IFT140: variants seen among roughly 807,000 people sequenced by gnomAD.
IFT140 encodes intraflagellar transport 140.
Under a neutral mutation model 164.6 loss-of-function variants are expected in IFT140, and 133 were observed. That is an observed-to-expected ratio of 0.81 (90% CI 0.70 to 0.93). The LOEUF (loss-of-function observed/expected upper bound fraction) is 0.93, where lower values mean the gene tolerates loss of function less well. Among genes scored for constraint, IFT140 ranks in the 40% least tolerant of loss-of-function variants. IFT140 has a pLI of 0.00. For missense variants in IFT140, 2,045 were observed against 1,972.3 expected (o/e 1.04, Z -0.70); for synonymous variants, 860 against 817.3 (o/e 1.05, Z -0.89).
chr16:1,598,133 A>T lies in IFT140; in HGVS notation c.369+4237T>A, dbSNP rs558543974. Among the ~76,000 whole-genome samples the T allele has an allele frequency of 5.7e-4, 86 of 149,754 alleles. 3 individuals are homozygous for T. The highest frequency in any genetic ancestry group is 1.8e-4 in the Non-Finnish European group (12 of 67,276). On this transcript the variant is annotated intron_variant, in intron 4 of 30. Transcript: ENST00000426508. The stretch of plus-strand genomic sequence containing the variant: ...ATCCAGAAGAAGGGAACAACCTGAT[A>T]AAAAAAAAACTTGGCGAATAATATG...
At chr16:1,584,458 T>G (rs1319030402) in intron 10 of IFT140, 38 bp from the exon 11 acceptor site, 1 of 1,525,418 alleles carries the variant, frequency 6.6e-7, no homozygotes. Context: ...ACCAGATGTG[T>G]GAACAGAGCA....
intron 19 of IFT140, among the ~76,000 whole-genome samples, chr16:1,545,111 C>A (rs1170601399): frequency 6.6e-6 from 1 of 152,212 alleles, no homozygotes; most frequent in Non-Finnish European, 1.5e-5. Flanking sequence ...CACATGGGGG[C>A]GAGCACCCTG....
chr16:1,551,721 G>A lies in IFT140; in HGVS notation c.2399+6214C>T, dbSNP rs539708092. On this transcript the variant is annotated intron_variant, in intron 19 of 30. Transcript: ENST00000426508. This position sits in a 1 kb window ranked among gnomAD's most constrained non-coding sequence, Gnocchi z 4.0. Reference sequence around the variant, plus strand: ...ATCAGCGGCACTTCAGTCTTCTACGGGGTTTTGTTGGGAGCTACCTATACA... The same window carrying A: ...ATCAGCGGCACTTCAGTCTTCTACGAGGTTTTGTTGGGAGCTACCTATACA... 8.1e-4 allele frequency among the ~76,000 whole-genome samples: 124 copies of A among 152,344 alleles called. No individual in the cohort carries two copies. The highest frequency in any genetic ancestry group is 2.5e-3 in the African/African-American group (105 of 41,572).
intron 18 of IFT140, among the ~76,000 whole-genome samples, chr16:1,561,398 G>A (rs1025033397): frequency 2.6e-5 from 4 of 152,224 alleles, no homozygotes; most frequent in African/African-American, 9.6e-5. Flanking sequence ...TACTGATGAC[G>A]ATCCCATTCT....
chr16:1,511,141 A>C lies in IFT140; in HGVS notation c.4192T>G (p.Phe1398Val). The C allele has an allele frequency of 6.2e-7, 1 of 1,606,506 alleles. No homozygotes were observed. The highest frequency in any genetic ancestry group is 8.5e-7 in the Non-Finnish European group (1 of 1,177,336). The change falls in exon 31 of 31, where the codon TTC (phenylalanine) becomes GTC (valine). Residue 1398 changes from phenylalanine to valine, a missense_variant. By Grantham distance (50) the Phe-to-Val change is conservative. Transcript: ENST00000426508. ...RKEEYQTAYR[F>V]LEEMRRRLPL... ...AGCCGCCGCCGCATCTCCTCCAGGA[A>C]TCTGTAGGCCTGGGGCAGAGGAGCA... is the stretch of plus-strand genomic sequence containing the variant.
At chr16:1,574,441 C>T (rs1459965516) in intron 13 of IFT140, among the ~76,000 whole-genome samples, 1 of 151,946 alleles carries the variant, frequency 6.6e-6, no homozygotes, top group Admixed American at 6.6e-5. Context: ...CCATGCCTGG[C>T]TAATATTTTT....
intron 10 of IFT140, among the ~76,000 whole-genome samples, chr16:1,585,050 C>T (rs745815066): frequency 6.6e-6 from 1 of 152,178 alleles, no homozygotes; most frequent in Non-Finnish European, 1.5e-5. Context: ...ACGACAGTGT[C>T]TCATCAGGTA....
chr16:1,607,381 G>A, intron 2 of IFT140, 84 bp from the exon 3 acceptor site: 2 of 1,205,128 alleles, frequency 1.7e-6, no homozygotes, highest in East Asian at 4.8e-5. Flanking sequence ...CGAAAAGGAA[G>A]CATCCCAAAG....
chr16:1,547,681 A>G (rs1325914442), intron 19 of IFT140, among the ~76,000 whole-genome samples: 2 of 152,140 alleles, frequency 1.3e-5, no homozygotes, highest in Non-Finnish European at 2.9e-5. Context: ...GACTACAGGC[A>G]TGAGCCACCA....
intron 7 of IFT140, 105 bp downstream of exon 7, chr16:1,589,500 C>CT (rs1474907624): frequency 1.7e-6 from 2 of 1,193,122 alleles, no homozygotes; most frequent in Non-Finnish European, 2.4e-6. Flanking sequence ...AGTTGATAGG[C>CT]TTTTTTTCAG....
chr16:1,602,417 C>T lies in IFT140; in HGVS notation c.322G>A (p.Val108Met), dbSNP rs146128830. 14,968 of 1,614,188 alleles carry T rather than the reference C, an allele frequency of 9.3e-3. 85 individuals carry two copies. Among genetic ancestry groups the T allele is most frequent in the Non-Finnish European group, 0.011 (12,696 of 1,180,028 alleles). Residue 108 changes from valine to methionine, a missense_variant, in exon 4 of 31, where the codon GTG (valine) becomes ATG (methionine). Physicochemically the swap from Val to Met is conservative, Grantham distance 21 (BLOSUM62 1). Transcript: ENST00000426508. Reference protein sequence around the residue: ...MPLTHTADITVLRWSPSGNCL... With the variant: ...MPLTHTADITMLRWSPSGNCL... ...TTTCCACTGGGGCTCCAACGGAGCA[C>T]GGTGATGTCGGCTGTGTGTGTCAGG...
Position 1,530,133 on chromosome 16 carries a change from C to CTTTTTTTTTTTTTTTTT in IFT140, c.2400-3354_2400-3338dup, listed in dbSNP as rs922819138. ...TCCCAAAAGACTTCACGACGGGAATCTTTTTTTTTTTTTTTTTTTTTTTTG... is the reference window on the plus strand; with the variant it reads ...TCCCAAAAGACTTCACGACGGGAATCTTTTTTTTTTTTTTTTTTTTTTTTTTTTTTTTTTTTTTTTTG... On this transcript the variant is annotated intron_variant, in intron 19 of 30. Coordinates refer to ENST00000426508, the MANE Select transcript of IFT140 (RefSeq NM_014714.4). Among the ~76,000 whole-genome samples, 248 of 88,588 alleles carry CTTTTTTTTTTTTTTTTT rather than the reference C, an allele frequency of 2.8e-3. 18 individuals are homozygous for CTTTTTTTTTTTTTTTTT. Among genetic ancestry groups the CTTTTTTTTTTTTTTTTT allele is most frequent in the African/African-American group, 6.0e-3 (110 of 18,458 alleles). The allele number at this position is 88,588 out of a possible 152,430, so 58.1% of individuals were successfully genotyped here.
chr16:1,610,874 G>C (rs1233575324), intron 1 of IFT140, 21 bp from the exon 2 acceptor site: 1 of 153,022 alleles, frequency 6.5e-6, no homozygotes, highest in Admixed American at 6.5e-5. Context: ...GAAGCGGGAC[G>C]AGCTTTTTCT....
At chr16:1,609,752 A>G (rs913891069) in intron 2 of IFT140, among the ~76,000 whole-genome samples, 1 of 152,236 alleles carries the variant, frequency 6.6e-6, no homozygotes, top group Non-Finnish European at 1.5e-5. Context: ...TATTATCAGT[A>G]TAATTTAAAA....
rs903106986 is a variant in IFT140 at position 1,559,261 on chromosome 16, C to T, written c.2200-1127G>A. On this transcript the variant is annotated intron_variant, in intron 18 of 30. Transcript: ENST00000426508. ...TCTGGTTTAATAAACTGCAAGGAAG[C>T]GCCCTGACCTCTGATAACAATGTCA... Among the ~76,000 whole-genome samples, 4 of 152,206 alleles carry T rather than the reference C, an allele frequency of 2.6e-5. No individual in the cohort carries two copies. In the East Asian group the frequency reaches 5.8e-4, roughly 22 times the overall value.
rs760102170 is a variant in IFT140 at position 1,510,920 on chromosome 16, C to T, written c.*24G>A. ...CAGAAGATGCCTTTCTGCAGCAGCA[C>T]GCTGGTCCTGGGGCCCAGGCCCCTC... is the stretch of plus-strand genomic sequence containing the variant. On this transcript the variant is annotated 3_prime_UTR_variant, in exon 31 of 31. Coordinates refer to ENST00000426508, the MANE Select transcript of IFT140 (RefSeq NM_014714.4). The T allele has an allele frequency of 1.6e-5, 26 of 1,601,016 alleles. No individual in the cohort carries two copies. The highest frequency in any genetic ancestry group is 2.7e-5 in the African/African-American group (2 of 74,600).
intron 4 of IFT140, 36 bp downstream of exon 4, chr16:1,602,334 A>C: frequency 6.4e-7 from 1 of 1,573,044 alleles, no homozygotes; most frequent in African/African-American, 1.3e-5. Flanking sequence ...GAAAGGGTCA[A>C]GGTCTGAAAA....
chr16:1,574,225 G>A (rs573584004), intron 13 of IFT140, among the ~76,000 whole-genome samples: 1 of 152,130 alleles, frequency 6.6e-6, no homozygotes, highest in Non-Finnish European at 1.5e-5. Flanking sequence ...TGTTCCTCGG[G>A]GCTGAGTTTT....
rs1596368718 is a variant in IFT140, at chr16:1,562,060, A to G, written c.2124T>C (p.His708=). The G allele has an allele frequency of 6.2e-7, 1 of 1,612,158 alleles. No homozygotes were observed. Among genetic ancestry groups the G allele is most frequent in the Admixed American group, 1.7e-5 (1 of 59,820 alleles). ...AGGTGGCAGGCCGGGGGAAGCTCTCATGAAGCAGGAAGCCGTGCTCTTCGG... is the reference window on the plus strand; with the variant it reads ...AGGTGGCAGGCCGGGGGAAGCTCTCGTGAAGCAGGAAGCCGTGCTCTTCGG... ...FISEEHGFLL[H]ESFPRPATSH... The change falls in exon 18 of 31, where the codon CAT becomes CAC. Residue 708 remains histidine, a synonymous_variant. Coordinates refer to ENST00000426508, the MANE Select transcript of IFT140 (RefSeq NM_014714.4).
Sources: gnomAD v4.1 joint callset for allele counts (sites outside exome capture counted in the v4.1 genomes callset) on GRCh38, gnomAD v4.1.1 for gene constraint, Gnocchi (gnomAD v3.1) non-coding constraint, MANE v1.5 for transcripts, NCBI Gene and HGNC (gene_info 2026-07-23, HGNC 2026-07-21) for gene names.